NLRP9: variants seen among roughly 807,000 people sequenced by gnomAD.
NLRP9 encodes NLR family pyrin domain containing 9.
In NLRP9, 88 loss-of-function variants were observed where a neutral mutation model predicts 83.1. That is an observed-to-expected ratio of 1.06 (90% CI 0.89 to 1.26). The LOEUF is 1.26. Ranked by LOEUF, NLRP9 falls within the 50% of genes most tolerant of loss-of-function variation. The pLI is 0.00. For synonymous variants in NLRP9, 521 were observed against 447.6 expected, an observed-to-expected ratio of 1.16 and a Z score of -2.07; for missense variants, 1,308 against 1,179.3, an observed-to-expected ratio of 1.11 and a Z score of -1.60.
At chr19:55,719,283 G>T (rs1988142997) in intron 4 of NLRP9, among the ~76,000 whole-genome samples, 1 of 152,176 alleles carries the variant, frequency 6.6e-6, no homozygotes, top group South Asian at 2.1e-4. Flanking sequence ...CTCCCAACTA[G>T]CTGGGATTAC....
chr19:55,710,579 A>ATGAT (rs1266135068), intron 8 of NLRP9, among the ~76,000 whole-genome samples: 2 of 152,022 alleles, frequency 1.3e-5, no homozygotes, highest in African/African-American at 4.8e-5. Flanking sequence ...TGCTGTTCTC[A>ATGAT]TGATAGAGTT....
intron 3 of NLRP9, among the ~76,000 whole-genome samples, chr19:55,728,315 G>A (rs1387840915): frequency 3.3e-5 from 5 of 152,148 alleles, no homozygotes; most frequent in East Asian, 1.9e-4. Flanking sequence ...GGTGGCTCAC[G>A]TCTGTAATCC....
intron 7 of NLRP9, 41 bp from the exon 8 acceptor site, chr19:55,712,011 G>A: frequency 1.3e-6 from 2 of 1,594,560 alleles, no homozygotes; most frequent in Non-Finnish European, 1.7e-6. Flanking sequence ...CTCTAGCTTT[G>A]GGTAGGCTGG....
Position 55,732,034 on chromosome 19 carries a change from C to T in NLRP9, c.1797G>A (p.Glu599=), listed in dbSNP as rs372709408. Residue 599 remains glutamate (E), a synonymous_variant, in exon 2 of 9, where the codon GAG becomes GAA. Coordinates refer to ENST00000332836, the MANE Select transcript of NLRP9 (RefSeq NM_176820.4). ...QHLTTLRMCV[E]NIFPDDSGCI... The stretch of plus-strand genomic sequence containing the variant: ...ATCCTGAGTCATCTGGAAAGATATT[C>T]TCCACACACATGCGAAGTGTCGTTA... The T allele has an allele frequency of 1.7e-5, 27 of 1,587,160 alleles. No individual in the cohort carries two copies. Among genetic ancestry groups the T allele is most frequent in the African/African-American group, 8.1e-5 (6 of 73,732 alleles).
chr19:55,724,214 C>T (rs906116360), intron 3 of NLRP9, 70 bp from the exon 4 acceptor site: 17 of 1,069,590 alleles, frequency 1.6e-5, no homozygotes, highest in East Asian at 5.2e-5. Flanking sequence ...ACCTCTTGTA[C>T]GATTCTTCCT....
chr19:55,729,773 C>T, intron 3 of NLRP9, 58 bp downstream of exon 3: 1 of 1,448,498 alleles, frequency 6.9e-7, no homozygotes, highest in East Asian at 2.3e-5. Context: ...AAAAAGGCCA[C>T]AGTAGAGAGA....
intron 2 of NLRP9, among the ~76,000 whole-genome samples, chr19:55,731,327 A>G (rs1005601165): frequency 1.1e-4 from 17 of 151,964 alleles, no homozygotes; most frequent in Middle Eastern, 3.4e-3. Context: ...ATGGAGGGGG[A>G]AAAGAAAAGC....
At chr19:55,738,010 G>T (rs2122347891) in intron 1 of NLRP9, 85 bp downstream of exon 1, 1 of 1,259,888 alleles carries the variant, frequency 7.9e-7, no homozygotes. Flanking sequence ...TCATCTGATG[G>T]AGGGGGTGGC....
intron 5 of NLRP9, among the ~76,000 whole-genome samples, chr19:55,716,263 T>TC (rs1407424102): frequency 3.4e-5 from 5 of 148,262 alleles, no homozygotes; most frequent in African/African-American, 1.2e-4. Context: ...TTTTCTTTTT[T>TC]TTTTTTTTTT....
rs373461222 is a variant in NLRP9, at chr19:55,724,101, C to A, written c.2038G>T (p.Ala680Ser). The A allele has an allele frequency of 3.7e-6, 6 of 1,613,178 alleles. No homozygotes were observed. Among genetic ancestry groups the A allele is most frequent in the Middle Eastern group, 1.7e-4 (1 of 6,052 alleles). ...TTCAGATGAGGGTTGTGAAGAACTGCCTTAAATAATTCTGAATCATGTCCA... is the reference window on the plus strand; with the variant it reads ...TTCAGATGAGGGTTGTGAAGAACTGACTTAAATAATTCTGAATCATGTCCA... ...YFGHDSELFK[A>S]VLHNPHLKLL... Residue 680 changes from alanine (A) to serine (S), a missense_variant, in exon 4 of 9, where the codon GCA (alanine) becomes TCA (serine). Coordinates refer to ENST00000332836, the MANE Select transcript of NLRP9 (RefSeq NM_176820.4).
chr19:55,732,459 A>G lies in NLRP9; in HGVS notation c.1372T>C (p.Leu458=), dbSNP rs1222013150. The G allele has an allele frequency of 1.7e-5, 27 of 1,614,114 alleles. No homozygotes were observed. Among genetic ancestry groups the G allele is most frequent in the Non-Finnish European group, 2.3e-5 (27 of 1,180,058 alleles). The change falls in exon 2 of 9, where the codon TTG becomes CTG. Residue 458 remains leucine, a synonymous_variant. Coordinates refer to ENST00000332836, the MANE Select transcript of NLRP9 (RefSeq NM_176820.4). ...IQEFCAAMFY[L]LKRPKDDPNP... The stretch of plus-strand genomic sequence containing the variant: ...GGATCGTCTTTGGGTCGTTTGAGCA[A>G]ATAAAACATGGCGGCACAAAACTCT...
At chr19:55,710,977 T>C (rs1987687436) in intron 8 of NLRP9, among the ~76,000 whole-genome samples, 1 of 151,918 alleles carries the variant, frequency 6.6e-6, no homozygotes, top group South Asian at 2.1e-4. Flanking sequence ...TCCCAGCTAC[T>C]TGGGAGGCTG....
intron 4 of NLRP9, among the ~76,000 whole-genome samples, chr19:55,722,164 C>A (rs1988247079): frequency 7.3e-6 from 1 of 137,896 alleles, no homozygotes; most frequent in Admixed American, 7.0e-5. Context: ...ACCAATACCA[C>A]ACTGAAGTAA....
At chr19:55,715,864 G>A (rs971934659) in intron 5 of NLRP9, among the ~76,000 whole-genome samples, 15 of 152,130 alleles carry the variant, frequency 9.9e-5, no homozygotes, top group Admixed American at 3.9e-4. Context: ...ATGGCTTAAC[G>A]GAATGTACTG....
Position 55,738,336 on chromosome 19 carries a change from C to G in NLRP9, c.39G>C (p.Trp13Cys). ...CTTCCTTTCTGAGCTCCTTCAGATA[C>G]CACAACAAGCCAAAATCCGAAAAAA... ...ESFFSDFGLLWYLKELRKEEF... is the reference protein window; with the variant it reads ...ESFFSDFGLLCYLKELRKEEF... Residue 13 changes from tryptophan to cysteine, a missense_variant, in exon 1 of 9, where the codon TGG becomes TGC. Physicochemically the swap from Trp to Cys is radical, Grantham distance 215 (BLOSUM62 -2). Transcript: ENST00000332836. 6.2e-7 allele frequency: 1 copy of G among 1,613,738 alleles called. No homozygotes were observed. Among genetic ancestry groups the G allele is most frequent in the Non-Finnish European group, 8.5e-7 (1 of 1,179,932 alleles).
chr19:55,711,322 G>C (rs1479956215), intron 8 of NLRP9: 1 of 980,948 alleles, frequency 1.0e-6, no homozygotes, highest in East Asian at 1.1e-4. Flanking sequence ...TCATCCTACA[G>C]ATTTCAAATA....
In NLRP9 at chr19:55,733,075, T is replaced by C. The variant is rs1435188395; in HGVS notation, c.756A>G (p.Pro252=). The stretch of plus-strand genomic sequence containing the variant: ...ACAAACTGCTCAGGATAATTGGCAT[T>C]GGCTGCCGCTGCCTCCAATCATCGC... ...DLSDDWRQRQ[P]MPIILSSLLQ... The change falls in exon 2 of 9, where the codon CCA becomes CCG. Residue 252 remains proline, a synonymous_variant. Transcript: ENST00000332836. The C allele has an allele frequency of 6.2e-7, 1 of 1,613,934 alleles. No individual in the cohort carries two copies. The highest frequency in any genetic ancestry group is 1.7e-5 in the Admixed American group (1 of 59,972).
Position 55,715,193 on chromosome 19 carries a change from C to T in NLRP9, c.2363G>A (p.Cys788Tyr). Residue 788 changes from cysteine (C) to tyrosine (Y), a missense_variant, in exon 6 of 9, where the codon TGT (cysteine) becomes TAT (tyrosine). Cys to Tyr is a radical substitution (Grantham distance 194). Coordinates refer to ENST00000332836, the MANE Select transcript of NLRP9 (RefSeq NM_176820.4). The stretch of plus-strand genomic sequence containing the variant: ...CAAGAGGACTTCGGAAATGGAGTCA[C>T]AGGAGACAGAGGTGAGACAGCAGTA... Reference protein sequence around the residue: ...LMYCCLTSVSCDSISEVLLCS... With the variant: ...LMYCCLTSVSYDSISEVLLCS... 2 of 1,613,384 alleles carry T rather than the reference C, an allele frequency of 1.2e-6. No homozygotes were observed.
rs569602811 is a variant in NLRP9 at position 55,721,916 on chromosome 19, G to A, written c.2159+2064C>T. Among the ~76,000 whole-genome samples the A allele has an allele frequency of 1.8e-4, 27 of 148,318 alleles. No homozygotes were observed. In the South Asian group the frequency reaches 3.7e-3, roughly 20 times the overall value. On this transcript the variant is annotated intron_variant, in intron 4 of 8. Transcript: ENST00000332836. Reference sequence around the variant, plus strand: ...ATTGTGAGGCCTCCCAAGCCACATCGAACTGCAAGTCCAATAAACCTCTTT... The same window carrying A: ...ATTGTGAGGCCTCCCAAGCCACATCAAACTGCAAGTCCAATAAACCTCTTT...
Sources: gnomAD v4.1 joint callset for allele counts (sites outside exome capture counted in the v4.1 genomes callset) on GRCh38, gnomAD v4.1.1 for gene constraint, MANE v1.5 for transcripts, NCBI Gene and HGNC (gene_info 2026-07-23, HGNC 2026-07-21) for gene names.